NXPH1: variants seen among roughly 807,000 people sequenced by gnomAD.
NXPH1 encodes neurexophilin-1.
Under a neutral mutation model 23.7 loss-of-function variants are expected in NXPH1, and 5 were observed. The ratio of observed to expected loss-of-function variants is 0.21; its 90% CI spans 0.11 to 0.44. The LOEUF (loss-of-function observed/expected upper bound fraction) is 0.44. Among genes scored for constraint, NXPH1 ranks in the 20% least tolerant of loss-of-function variants. The probability of loss-of-function intolerance (pLI) is 0.99; values close to 1 mark genes in which losing one functional copy is unlikely to be tolerated. For synonymous variants in NXPH1, 144 were observed against 122.2 expected, an observed-to-expected ratio of 1.18 and a Z score of -1.18; for missense variants, 324 against 321.6, an observed-to-expected ratio of 1.01 and a Z score of -0.06.
At chr7:8,524,281 A>G (rs1563335482) in intron 2 of NXPH1, among the ~76,000 whole-genome samples, 1 of 150,032 alleles carries the variant, frequency 6.7e-6, no homozygotes, top group South Asian at 2.1e-4. Flanking sequence ...CTATTTTCAT[A>G]CTTGTGAATC....
intron 2 of NXPH1, among the ~76,000 whole-genome samples, chr7:8,537,739 C>T (rs1482566883): frequency 6.6e-6 from 1 of 151,946 alleles, no homozygotes. Flanking sequence ...TTCTGGGCCT[C>T]AGCTTCTTCA....
At chr7:8,681,570 C>T (rs571129516) in intron 2 of NXPH1, among the ~76,000 whole-genome samples, 1 of 152,288 alleles carries the variant, frequency 6.6e-6, no homozygotes, top group South Asian at 2.1e-4. Flanking sequence ...CAGTAAGTCA[C>T]AGGATTTCTA....
chr7:8,584,920 T>A (rs1213088981), intron 2 of NXPH1, among the ~76,000 whole-genome samples: 1 of 152,224 alleles, frequency 6.6e-6, no homozygotes, highest in Admixed American at 6.5e-5. Context: ...ACTGACCACA[T>A]AGGAATTGCT....
chr7:8,688,664 A>G (rs532595444), intron 2 of NXPH1, among the ~76,000 whole-genome samples: 36 of 152,170 alleles, frequency 2.4e-4, no homozygotes, highest in Non-Finnish European at 4.3e-4. Context: ...CTTTTCACTT[A>G]TAAGGCTTTG....
chr7:8,557,846 C>A (rs1400053874), intron 2 of NXPH1, among the ~76,000 whole-genome samples: 1 of 151,686 alleles, frequency 6.6e-6, no homozygotes, highest in Admixed American at 6.6e-5. Context: ...CTAAAACATT[C>A]TGCAGATTTA....
chr7:8,739,170 G>T (rs1473504631), intron 2 of NXPH1, among the ~76,000 whole-genome samples: 2 of 55,592 alleles, frequency 3.6e-5, no homozygotes, highest in African/African-American at 1.8e-4. Context: ...CACCAGTGGG[G>T]TAAAAAAAAA....
At chr7:8,742,607 C>T (rs947301572) in intron 2 of NXPH1, among the ~76,000 whole-genome samples, 1 of 144,386 alleles carries the variant, frequency 6.9e-6, no homozygotes, top group Non-Finnish European at 1.6e-5. Flanking sequence ...AAAATAGACA[C>T]CATGTATGTA....
intron 2 of NXPH1, among the ~76,000 whole-genome samples, chr7:8,679,196 C>G (rs1421406397): frequency 6.6e-6 from 1 of 151,996 alleles, no homozygotes; most frequent in African/African-American, 2.4e-5. Context: ...ATCCGCCCAC[C>G]TCGGCCTCCC....
chr7:8,660,309 G>A (rs1013287052), intron 2 of NXPH1, among the ~76,000 whole-genome samples: 4 of 152,162 alleles, frequency 2.6e-5, no homozygotes, highest in African/African-American at 4.8e-5. Context: ...GGGGTGGTGA[G>A]AGGATTCAAA....
At chr7:8,564,317 C>A (rs938096819) in intron 2 of NXPH1, among the ~76,000 whole-genome samples, 1 of 151,772 alleles carries the variant, frequency 6.6e-6, no homozygotes, top group East Asian at 1.9e-4. Context: ...TAATTTCATG[C>A]CTAATCTAAA....
chr7:8,745,719 A>AT (rs56019801), intron 2 of NXPH1, among the ~76,000 whole-genome samples: 39,713 of 111,760 alleles, frequency 0.36, 6,827 homozygotes, highest in African/African-American at 0.4. Context: ...CGCCCAGCTA[A>AT]TTTTTTTTTT....
intron 2 of NXPH1, among the ~76,000 whole-genome samples, chr7:8,505,600 G>A (rs564053941): frequency 2.0e-5 from 3 of 152,162 alleles, no homozygotes; most frequent in South Asian, 2.1e-4. Flanking sequence ...ATATCAGAGT[G>A]TGTACTTATC....
chr7:8,503,418 T>C (rs888928425), intron 2 of NXPH1, among the ~76,000 whole-genome samples: 1 of 152,038 alleles, frequency 6.6e-6, no homozygotes, highest in African/African-American at 2.4e-5. Context: ...GTCAGTGTTA[T>C]CTTGCATTAT....
chr7:8,747,767 GCACA>G (rs113706004), intron 2 of NXPH1, among the ~76,000 whole-genome samples: 1 of 150,466 alleles, frequency 6.6e-6, no homozygotes, highest in Admixed American at 6.6e-5. Context: ...TTTTATTCAC[GCACA>G]CACACACACA....
intron 2 of NXPH1, among the ~76,000 whole-genome samples, chr7:8,639,790 C>G (rs914380900): frequency 6.6e-6 from 1 of 152,102 alleles, no homozygotes; most frequent in African/African-American, 2.4e-5. Context: ...TCAGGGGTTT[C>G]CACTTTCACT....
At chr7:8,745,323 GT>G (rs1780448407) in intron 2 of NXPH1, among the ~76,000 whole-genome samples, 1 of 148,874 alleles carries the variant, frequency 6.7e-6, no homozygotes, top group Non-Finnish European at 1.5e-5. Context: ...TCACATACTT[GT>G]TTTTTGTGTA....
intron 2 of NXPH1, among the ~76,000 whole-genome samples, chr7:8,496,778 G>A (rs1314681055): frequency 1.3e-5 from 2 of 152,042 alleles, no homozygotes; most frequent in African/African-American, 2.4e-5. Context: ...CAAGAGAAAA[G>A]TAGTTTCCTT....
At chr7:8,455,422 A>G (rs1426183340) in intron 2 of NXPH1, among the ~76,000 whole-genome samples, 1 of 152,152 alleles carries the variant, frequency 6.6e-6, no homozygotes, top group East Asian at 1.9e-4. Context: ...CTGTGGTGCC[A>G]TTGAAAAAGG....
At chr7:8,486,761 A>G (rs1817165649) in intron 2 of NXPH1, among the ~76,000 whole-genome samples, 1 of 151,984 alleles carries the variant, frequency 6.6e-6, no homozygotes, top group African/African-American at 2.4e-5. Context: ...CTGACCTCAT[A>G]ATTTTTGGTG....
Sources: gnomAD v4.1 joint callset for allele counts (sites outside exome capture counted in the v4.1 genomes callset) on GRCh38, gnomAD v4.1.1 for gene constraint, MANE v1.5 for transcripts, NCBI Gene and HGNC (gene_info 2026-07-23, HGNC 2026-07-21) for gene names.